Variants in PTPRD observed in about 807,000 individuals in gnomAD.
The protein encoded by PTPRD is receptor-type tyrosine-protein phosphatase delta.
Under a neutral mutation model 214.5 loss-of-function variants are expected in PTPRD, and 34 were observed. That is an observed-to-expected ratio of 0.16 (90% CI 0.12 to 0.21). PTPRD has a LOEUF of 0.21. Ranked by LOEUF, PTPRD falls within the 10% of genes least tolerant of loss-of-function variation. PTPRD has a pLI of 1.00. For missense variants in PTPRD, 2,545 were observed against 2,398.7 expected, an observed-to-expected ratio of 1.06 and a Z score of -1.27; for synonymous variants, 1,128 against 845.7, an observed-to-expected ratio of 1.33 and a Z score of -5.79.
At chr9:9,504,511 A>G (rs1439978559) in intron 8 of PTPRD, among the ~76,000 whole-genome samples, 1 of 151,722 alleles carries the variant, frequency 6.6e-6, no homozygotes, top group Non-Finnish European at 1.5e-5. Flanking sequence ...ACTTCAGCAC[A>G]ATACCTACCA....
chr9:10,127,278 C>T (rs1373351036), intron 3 of PTPRD, among the ~76,000 whole-genome samples: 1 of 152,192 alleles, frequency 6.6e-6, no homozygotes, highest in African/African-American at 2.4e-5. Context: ...ATTCCTCTGT[C>T]TGTAATGGCC....
At chr9:8,675,088 A>G (rs1228444254) in intron 12 of PTPRD, among the ~76,000 whole-genome samples, 2 of 152,152 alleles carry the variant, frequency 1.3e-5, no homozygotes, top group Admixed American at 1.3e-4. Context: ...ACCAATGCAG[A>G]TAGCATTAAG....
At chr9:9,940,816 C>G (rs1318318705) in intron 4 of PTPRD, among the ~76,000 whole-genome samples, 2 of 152,150 alleles carry the variant, frequency 1.3e-5, no homozygotes, top group Non-Finnish European at 2.9e-5. Context: ...TCCTACATTT[C>G]AACCCTGATT....
rs554938674 is a variant in PTPRD, at chr9:8,317,389, C to A, written c.*485G>T. ...ACTAAAAAACTAAATCAAGGACTTT[C>A]TTTTTAAACATTCCCTCCCCTTTCC... On this transcript the variant is annotated 3_prime_UTR_variant, in exon 46 of 46. Transcript: ENST00000381196. 2 of 232,908 alleles carry A rather than the reference C, an allele frequency of 8.6e-6. No homozygotes were observed. The highest frequency in any genetic ancestry group is 2.2e-5 in the African/African-American group (1 of 45,240). The allele number at this position is 232,908 out of a possible 1,614,324, so 14.4% of individuals were successfully genotyped here. A position where few individuals can be genotyped will look rare whatever the true frequency, so the allele number is the denominator to read the frequency against.
At chr9:10,404,004 T>C (rs1202875872) in intron 2 of PTPRD, among the ~76,000 whole-genome samples, 1 of 151,656 alleles carries the variant, frequency 6.6e-6, no homozygotes, top group Non-Finnish European at 1.5e-5. Flanking sequence ...GGACTTTGGG[T>C]GATAGTGATG....
At chr9:8,401,252 C>T (rs577441393) in intron 36 of PTPRD, among the ~76,000 whole-genome samples, 2 of 151,996 alleles carry the variant, frequency 1.3e-5, no homozygotes, top group Non-Finnish European at 2.9e-5. Flanking sequence ...GCAAACTCCA[C>T]CTCCCAGGCT....
chr9:9,219,159 A>G (rs998102182), intron 9 of PTPRD, among the ~76,000 whole-genome samples: 1 of 152,110 alleles, frequency 6.6e-6, no homozygotes, highest in Non-Finnish European at 1.5e-5. Context: ...TAAATATTGG[A>G]AAAATAGAAT....
At chr9:8,659,073 G>A (rs966604519) in intron 12 of PTPRD, among the ~76,000 whole-genome samples, 2 of 131,894 alleles carry the variant, frequency 1.5e-5, no homozygotes, top group Non-Finnish European at 3.2e-5. Flanking sequence ...AGAAGTAACT[G>A]GAAAAAAAAA....
intron 3 of PTPRD, among the ~76,000 whole-genome samples, chr9:10,166,080 T>C (rs1409203016): frequency 1.3e-5 from 2 of 150,162 alleles, no homozygotes; most frequent in African/African-American, 4.9e-5. Flanking sequence ...GCATAATATA[T>C]AAATACATAA....
chr9:9,631,867 T>C (rs563112796), intron 7 of PTPRD, among the ~76,000 whole-genome samples: 2 of 152,066 alleles, frequency 1.3e-5, no homozygotes, highest in Non-Finnish European at 2.9e-5. Flanking sequence ...TATTAGAAAA[T>C]ATAAGTAATT....
intron 10 of PTPRD, among the ~76,000 whole-genome samples, chr9:9,026,909 A>G (rs537519891): frequency 1.3e-5 from 2 of 151,870 alleles, no homozygotes; most frequent in South Asian, 2.1e-4. Context: ...GCAAGTTTCA[A>G]TTCACATTCC....
intron 2 of PTPRD, among the ~76,000 whole-genome samples, chr9:10,560,125 A>C (rs2063539869): frequency 6.6e-6 from 1 of 152,182 alleles, no homozygotes; most frequent in African/African-American, 2.4e-5. Context: ...TTATCGCGGC[A>C]CTATTCACAA....
At chr9:10,337,776 G>A (rs1310097532) in intron 3 of PTPRD, among the ~76,000 whole-genome samples, 2 of 151,594 alleles carry the variant, frequency 1.3e-5, no homozygotes, top group East Asian at 1.9e-4. Context: ...GGGAACTGAG[G>A]CTCAGAAACA....
At chr9:9,918,218 T>G (rs1050177211) in intron 5 of PTPRD, among the ~76,000 whole-genome samples, 1 of 151,534 alleles carries the variant, frequency 6.6e-6, no homozygotes, top group Non-Finnish European at 1.5e-5. Flanking sequence ...AATATAAAAA[T>G]CAATATGAAA....
At chr9:8,829,840 T>G (rs1316229300) in intron 11 of PTPRD, among the ~76,000 whole-genome samples, 2 of 152,192 alleles carry the variant, frequency 1.3e-5, no homozygotes, top group Non-Finnish European at 2.9e-5. Flanking sequence ...ACTTTTATAA[T>G]CTGTAAAATG....
chr9:10,280,002 T>A (rs1174097425), intron 3 of PTPRD, among the ~76,000 whole-genome samples: 1 of 152,206 alleles, frequency 6.6e-6, no homozygotes, highest in Non-Finnish European at 1.5e-5. Context: ...CAGTCCCTTA[T>A]GATGCTATGG....
intron 3 of PTPRD, among the ~76,000 whole-genome samples, chr9:10,045,242 T>C (rs1358371232): frequency 7.2e-5 from 11 of 151,780 alleles, no homozygotes; most frequent in Non-Finnish European, 1.5e-5. Context: ...AGAAGTTTCT[T>C]AAATAAAAAT....
chr9:10,609,898 A>G (rs1196929964), intron 2 of PTPRD, among the ~76,000 whole-genome samples: 1 of 152,150 alleles, frequency 6.6e-6, no homozygotes, highest in East Asian at 1.9e-4. Context: ...AAAAGAAAAG[A>G]AAAACATGTT....
At chr9:8,927,874 T>C (rs970681059) in intron 11 of PTPRD, among the ~76,000 whole-genome samples, 1 of 152,160 alleles carries the variant, frequency 6.6e-6, no homozygotes, top group African/African-American at 2.4e-5. Flanking sequence ...CATCTGTTGT[T>C]TCCTGACTTT....
Sources: gnomAD v4.1 joint callset for allele counts (sites outside exome capture counted in the v4.1 genomes callset) on GRCh38, gnomAD v4.1.1 for gene constraint, MANE v1.5 for transcripts, NCBI Gene and HGNC (gene_info 2026-07-23, HGNC 2026-07-21) for gene names.